TMEM132D: variants seen among roughly 807,000 people sequenced by gnomAD.
TMEM132D encodes mature OL transmembrane protein.
TMEM132D carries 21 observed loss-of-function variants against 62.3 expected under a neutral mutation model. The ratio of observed to expected loss-of-function variants is 0.34; its 90% CI spans 0.24 to 0.49. The LOEUF (loss-of-function observed/expected upper bound fraction) is 0.49, where lower values mean the gene tolerates loss of function less well. Ranked by LOEUF, TMEM132D falls within the 20% of genes least tolerant of loss-of-function variation. The pLI, the probability that TMEM132D is intolerant of heterozygous loss-of-function variation, is 0.99. For synonymous variants in TMEM132D, 621 were observed against 575.6 expected, an observed-to-expected ratio of 1.08 and a Z score of -1.13; for missense variants, 1,346 against 1,402.8, an observed-to-expected ratio of 0.96 and a Z score of 0.65.
chr12:129,609,388 A>T (rs1878711282), intron 2 of TMEM132D, among the ~76,000 whole-genome samples: 1 of 152,190 alleles, frequency 6.6e-6, no homozygotes, highest in Non-Finnish European at 1.5e-5. Context: ...ATAGTGCTAC[A>T]TAGAGTCTTG....
chr12:129,257,142 A>T (rs75541298), intron 4 of TMEM132D, among the ~76,000 whole-genome samples: 4,966 of 151,296 alleles, frequency 0.033, 124 homozygotes, highest in Non-Finnish European at 0.052. Flanking sequence ...GTGGCAGATG[A>T]GTCAATTGAT....
intron 1 of TMEM132D, among the ~76,000 whole-genome samples, chr12:129,759,838 A>G (rs1042179932): frequency 6.6e-6 from 1 of 152,196 alleles, no homozygotes; most frequent in Non-Finnish European, 1.5e-5. Flanking sequence ...AATACAAGAT[A>G]AGCCATGAAA....
At chr12:129,869,908 C>G (rs760398180) in intron 1 of TMEM132D, among the ~76,000 whole-genome samples, 111 of 152,316 alleles carry the variant, frequency 7.3e-4, no homozygotes, top group Non-Finnish European at 1.2e-3. Context: ...AGATCAGCTC[C>G]TTGTCACTGG....
chr12:129,746,930 C>G (rs2137263546), intron 1 of TMEM132D, among the ~76,000 whole-genome samples: 2 of 152,270 alleles, frequency 1.3e-5, no homozygotes, highest in Non-Finnish European at 2.9e-5. Context: ...CCTATCGGCT[C>G]CACATTCACC....
chr12:129,103,928 G>A (rs1875400189), intron 5 of TMEM132D, among the ~76,000 whole-genome samples: 1 of 152,162 alleles, frequency 6.6e-6, no homozygotes, highest in South Asian at 2.1e-4. Flanking sequence ...CATGCTCGTG[G>A]GTAGGAATAA....
intron 3 of TMEM132D, among the ~76,000 whole-genome samples, chr12:129,374,526 CTG>C (rs1458154033): frequency 6.6e-6 from 1 of 151,928 alleles, no homozygotes; most frequent in African/African-American, 2.4e-5. Context: ...TCGGAGGTCT[CTG>C]TGGTGAGAAG....
At chr12:129,732,450 G>A (rs1593139729) in intron 1 of TMEM132D, among the ~76,000 whole-genome samples, 2 of 152,318 alleles carry the variant, frequency 1.3e-5, no homozygotes, top group South Asian at 2.1e-4. Flanking sequence ...GACCTGGTGA[G>A]AGGTGTTTGA....
intron 5 of TMEM132D, among the ~76,000 whole-genome samples, chr12:129,107,149 T>C (rs1248722991): frequency 6.6e-6 from 1 of 152,122 alleles, no homozygotes; most frequent in Admixed American, 6.5e-5. Context: ...AGAGCTCTAA[T>C]AGGAAAGATG....
At chr12:129,881,252 C>T (rs963540532) in intron 1 of TMEM132D, among the ~76,000 whole-genome samples, 1 of 151,958 alleles carries the variant, frequency 6.6e-6, no homozygotes, top group Non-Finnish European at 1.5e-5. Flanking sequence ...AAATCCATAA[C>T]TATTAGAGCA....
chr12:129,345,428 C>A (rs1323567344), intron 3 of TMEM132D, among the ~76,000 whole-genome samples: 2 of 152,144 alleles, frequency 1.3e-5, no homozygotes, highest in Admixed American at 1.3e-4. Flanking sequence ...AGAATGTATT[C>A]TCGAACACTG....
chr12:129,824,829 A>C (rs1219484569), intron 1 of TMEM132D, among the ~76,000 whole-genome samples: 1 of 152,172 alleles, frequency 6.6e-6, no homozygotes, highest in African/African-American at 2.4e-5. Context: ...GGGTAAGAGG[A>C]TCCTGCTGTC....
At chr12:129,385,565 T>A (rs1871087065) in intron 3 of TMEM132D, among the ~76,000 whole-genome samples, 1 of 152,178 alleles carries the variant, frequency 6.6e-6, no homozygotes, top group East Asian at 1.9e-4. Flanking sequence ...AACTGGTTGA[T>A]TTGCAAGAGA....
chr12:129,291,625 T>A (rs141285518), intron 4 of TMEM132D, among the ~76,000 whole-genome samples: 1 of 152,290 alleles, frequency 6.6e-6, no homozygotes, highest in African/African-American at 2.4e-5. Flanking sequence ...GAAATTAGAA[T>A]CCAAGCTCTC....
At chr12:129,681,974 G>A (rs749196013) in intron 2 of TMEM132D, among the ~76,000 whole-genome samples, 13 of 152,142 alleles carry the variant, frequency 8.5e-5, no homozygotes, top group Admixed American at 1.3e-4. Flanking sequence ...AAGGAGGGAC[G>A]GGAAGGTTAC....
At chr12:129,105,323 C>T (rs1473170823) in intron 5 of TMEM132D, among the ~76,000 whole-genome samples, 1 of 143,202 alleles carries the variant, frequency 7.0e-6, no homozygotes, top group Non-Finnish European at 1.5e-5. Context: ...TATTCTCACT[C>T]ACAGGTGGGA....
chr12:129,160,873 C>T (rs7305163), intron 5 of TMEM132D, among the ~76,000 whole-genome samples: 80,871 of 151,872 alleles, frequency 0.53, 23,429 homozygotes, highest in Non-Finnish European at 0.66. Context: ...ACCAAGATGA[C>T]GATGATTCCA....
rs151120032 is a variant in TMEM132D at position 129,152,120 on chromosome 12, T to C, written c.1443+57400A>G. The stretch of plus-strand genomic sequence containing the variant: ...TCGATCTCTTGACCTCATGATCTGA[T>C]CTACCCCCGCCTTGGCCTCCCAAAG... On this transcript the variant is annotated intron_variant, in intron 5 of 8. Transcript: ENST00000422113. Among the ~76,000 whole-genome samples the C allele has an allele frequency of 7.5e-4, 113 of 150,856 alleles. No individual in the cohort carries two copies. The East Asian group carries it at 0.016, about 21-fold the overall frequency.
intron 1 of TMEM132D, among the ~76,000 whole-genome samples, chr12:129,835,146 G>A (rs1205216449): frequency 6.6e-6 from 1 of 152,160 alleles, no homozygotes; most frequent in Admixed American, 6.5e-5. Flanking sequence ...CATGGGAGAT[G>A]AGAAACAGCC....
At chr12:129,417,874 C>A (rs971682532) in intron 3 of TMEM132D, among the ~76,000 whole-genome samples, 2 of 152,150 alleles carry the variant, frequency 1.3e-5, no homozygotes, top group African/African-American at 4.8e-5. Flanking sequence ...CAAACCCCAT[C>A]AAACAATAGG....
Sources: allele counts gnomAD v4.1 joint callset (sites outside exome capture counted in the v4.1 genomes callset), GRCh38; gene constraint gnomAD v4.1.1; transcripts MANE v1.5; gene names NCBI Gene and HGNC (gene_info 2026-07-23, HGNC 2026-07-21).